VLDLR: variants seen among roughly 807,000 people sequenced by gnomAD.
VLDLR encodes very low-density lipoprotein receptor.
Under a neutral mutation model 112.7 loss-of-function variants are expected in VLDLR, and 81 were observed. That is an observed-to-expected ratio of 0.72 (90% confidence interval 0.60 to 0.86). The LOEUF is 0.86. Ranked by LOEUF, VLDLR falls within the 40% of genes least tolerant of loss-of-function variation. The pLI is 0.00. For missense variants in VLDLR, 1,237 were observed against 1,099.4 expected, an observed-to-expected ratio of 1.13 and a Z score of -1.77; for synonymous variants, 436 against 384.8, an observed-to-expected ratio of 1.13 and a Z score of -1.56.
chr9:2,624,503 G>A (rs558351897), intron 1 of VLDLR, among the ~76,000 whole-genome samples: 5 of 152,308 alleles, frequency 3.3e-5, no homozygotes, highest in African/African-American at 9.6e-5. Context: ...ATTCCTGGGG[G>A]TTCTGGGACA....
chr9:2,631,109 A>G (rs376013688), intron 1 of VLDLR, among the ~76,000 whole-genome samples: 13 of 152,350 alleles, frequency 8.5e-5, no homozygotes, highest in African/African-American at 2.6e-4. Flanking sequence ...CAAAACCAAA[A>G]TGACATATAA....
intron 2 of VLDLR, among the ~76,000 whole-genome samples, chr9:2,637,703 C>T (rs907147745): frequency 3.3e-5 from 5 of 152,128 alleles, no homozygotes; most frequent in South Asian, 4.1e-4. Context: ...GCACTTTGGG[C>T]GGCCTAGGCA....
Position 2,654,559 on chromosome 9 carries a change from T to C in VLDLR, c.*691T>C, listed in dbSNP as rs993016445. ...GTGTTCTAACTAAATGTGTGAGCTG[T>C]AGTTCTTGATGTTGTATAACTAAGC... On this transcript the variant is annotated 3_prime_UTR_variant, in exon 19 of 19. Transcript: ENST00000382100. 1 of 153,444 alleles carries C rather than the reference T, an allele frequency of 6.5e-6. No homozygotes were observed. The highest frequency in any genetic ancestry group is 1.5e-5 in the Non-Finnish European group (1 of 68,790). The allele number at this position is 153,444 out of a possible 1,614,324, so 9.5% of individuals were successfully genotyped here.
rs1471318902 is a variant in VLDLR, at chr9:2,643,493, A to G, written c.782A>G (p.Asp261Gly). ...CIHKKWRCDG[D>G]PDCKDGSDEV... ...CATAAGAAGTGGCGATGTGATGGGG[A>G]CCCTGACTGCAAGGATGGCAGTGAT... is the stretch of plus-strand genomic sequence containing the variant. Residue 261 changes from aspartate to glycine, a missense_variant, in exon 5 of 19, where the codon GAC becomes GGC. Physicochemically the swap from Asp to Gly is moderately conservative, Grantham distance 94. Transcript: ENST00000382100. 4 of 1,614,164 alleles carry G rather than the reference A, an allele frequency of 2.5e-6. No homozygotes were observed. The highest frequency in any genetic ancestry group is 3.4e-6 in the Non-Finnish European group (4 of 1,180,018).
intron 1 of VLDLR, among the ~76,000 whole-genome samples, chr9:2,629,170 T>C (rs1817229621): frequency 6.6e-6 from 1 of 152,258 alleles, no homozygotes; most frequent in Non-Finnish European, 1.5e-5. Context: ...TTCTGTGTTT[T>C]AACAAGCCTT....
intron 17 of VLDLR, 142 bp downstream of exon 17, chr9:2,652,096 C>T (rs1216997116): frequency 4.0e-6 from 3 of 747,638 alleles, no homozygotes; most frequent in East Asian, 2.7e-5. Flanking sequence ...CTTTCTCCCC[C>T]ACATAATACA....
chr9:2,641,576 A>G, intron 4 of VLDLR, 77 bp downstream of exon 4: 1 of 1,604,774 alleles, frequency 6.2e-7, no homozygotes. Flanking sequence ...AAACTAATCT[A>G]AGCCTGAAGA....
At position 2,643,674 on chromosome 9, in the gene VLDLR, C is replaced by G; in HGVS notation, c.867C>G (p.Ser289Arg). The G allele has an allele frequency of 6.2e-7, 1 of 1,614,204 alleles. No individual in the cohort carries two copies. Reference protein sequence around the residue: ...RPDQFECEDGSCIHGSRQCNG... With the variant: ...RPDQFECEDGRCIHGSRQCNG... ...ACCAATTTGAATGTGAGGATGGCAG[C>G]TGCATCCATGGCAGCAGGCAGTGTA... The change falls in exon 6 of 19, where the codon AGC (serine) becomes AGG (arginine). Residue 289 changes from serine (S) to arginine (R), a missense_variant. Physicochemically the swap from Ser to Arg is moderately radical, Grantham distance 110. Transcript: ENST00000382100.
chr9:2,643,843 A>G lies in VLDLR; in HGVS notation c.950A>G (p.Gln317Arg), dbSNP rs774182933. ...TCTTTGTTTCTCTTTGTAGTCAATC[A>G]GTGCTTGGGCCCTGGAAAATTCAAG... ...SDEVNCKNVN[Q>R]CLGPGKFKCR... Residue 317 changes from glutamine to arginine, a missense_variant, in exon 7 of 19, where the codon CAG becomes CGG. By Grantham distance (43) the Gln-to-Arg change is conservative. Transcript: ENST00000382100. 6.2e-7 allele frequency: 1 copy of G among 1,614,228 alleles called. No individual in the cohort carries two copies. Among genetic ancestry groups the G allele is most frequent in the South Asian group, 1.1e-5 (1 of 91,084 alleles).
rs146471178 is a variant in VLDLR at position 2,657,301 on chromosome 9, A to G, written c.*3433A>G. 1.2e-3 allele frequency: 176 copies of G among 152,322 alleles called. 1 individual carries two copies. Among genetic ancestry groups the G allele is most frequent in the African/African-American group, 4.1e-3 (172 of 41,574 alleles). 9.4% of individuals were successfully genotyped at this position (152,322 alleles called of 1,614,324 possible). A position where few individuals can be genotyped will look rare whatever the true frequency, so the allele number is the denominator to read the frequency against. ...ATGAAAGCTATACTGTTTGCTTTCA[A>G]TGGTGGCAAAAACTTGCAAAAAGCA... On this transcript the variant is annotated 3_prime_UTR_variant, in exon 19 of 19. Transcript: ENST00000382100.
chr9:2,632,502 T>C (rs1192668517), intron 1 of VLDLR, among the ~76,000 whole-genome samples: 2 of 151,952 alleles, frequency 1.3e-5, no homozygotes, highest in African/African-American at 4.8e-5. Flanking sequence ...TTGTTCCCTT[T>C]ATGAAAGTAT....
At position 2,651,324 on chromosome 9, in the gene VLDLR, T is replaced by TA; in HGVS notation, c.2252-87dup. 3 of 1,143,674 alleles carry TA rather than the reference T, an allele frequency of 2.6e-6. No homozygotes were observed. In the South Asian group the frequency reaches 3.9e-5, roughly 15 times the overall value. 70.8% of individuals were successfully genotyped at this position (1,143,674 alleles called of 1,614,324 possible). On this transcript the variant is annotated intron_variant, in intron 15 of 18. Coordinates refer to ENST00000382100, the MANE Select transcript of VLDLR (RefSeq NM_003383.5). ...GTGGTTTGTCTATTTTACCTGGTTTTAAAATAACCTTTTACATGGCTTGTC... is the reference window on the plus strand; with the variant it reads ...GTGGTTTGTCTATTTTACCTGGTTTTAAAAATAACCTTTTACATGGCTTGTC...
intron 2 of VLDLR, among the ~76,000 whole-genome samples, chr9:2,635,945 A>T (rs1452432770): frequency 1.5e-5 from 2 of 132,590 alleles, no homozygotes; most frequent in Non-Finnish European, 3.2e-5. Context: ...CAAGCCATGG[A>T]CATGAGAAAA....
chr9:2,634,380 A>C (rs1215562392), intron 1 of VLDLR, among the ~76,000 whole-genome samples: 1 of 152,218 alleles, frequency 6.6e-6, no homozygotes, highest in Non-Finnish European at 1.5e-5. Flanking sequence ...ACCCTCCCTA[A>C]GTAATCTGCG....
At chr9:2,650,647 A>G in intron 15 of VLDLR, 131 bp downstream of exon 15, 1 of 1,290,502 alleles carries the variant, frequency 7.7e-7, no homozygotes, top group Admixed American at 2.0e-5. Flanking sequence ...CTGCTATTGT[A>G]TGCCGGGTTA....
chr9:2,623,000 G>A (rs566498867), intron 1 of VLDLR, among the ~76,000 whole-genome samples: 1 of 152,368 alleles, frequency 6.6e-6, no homozygotes, highest in East Asian at 1.9e-4. Flanking sequence ...CTCCCGTGTA[G>A]CTGAACGCGG....
At chr9:2,633,208 C>G (rs900458648) in intron 1 of VLDLR, among the ~76,000 whole-genome samples, 9 of 152,056 alleles carry the variant, frequency 5.9e-5, no homozygotes, top group African/African-American at 2.2e-4. Flanking sequence ...CGGATATTTT[C>G]TTAGTAGAAA....
chr9:2,624,243 T>A (rs946540080), intron 1 of VLDLR, among the ~76,000 whole-genome samples: 1 of 152,200 alleles, frequency 6.6e-6, no homozygotes, highest in African/African-American at 2.4e-5. Flanking sequence ...AGGAAGCAGA[T>A]TCTTCCAGAA....
Position 2,658,647 on chromosome 9 carries a change from T to G in VLDLR, c.*4779T>G, listed in dbSNP as rs947403400. 1 of 152,152 alleles carries G rather than the reference T, an allele frequency of 6.6e-6. No individual in the cohort carries two copies. Among genetic ancestry groups the G allele is most frequent in the Non-Finnish European group, 1.5e-5 (1 of 68,028 alleles). The allele number at this position is 152,152 out of a possible 1,614,324, so 9.4% of individuals were successfully genotyped here. ...TAAAGTAGAGACGATGGGGACTGTCTCACTGTGACAAGGTAAGATTTAAGT... is the reference window on the plus strand; with the variant it reads ...TAAAGTAGAGACGATGGGGACTGTCGCACTGTGACAAGGTAAGATTTAAGT... On this transcript the variant is annotated 3_prime_UTR_variant, in exon 19 of 19. Transcript: ENST00000382100.
Sources: gnomAD v4.1 joint callset for allele counts (sites outside exome capture counted in the v4.1 genomes callset) on GRCh38, gnomAD v4.1.1 for gene constraint, MANE v1.5 for transcripts, NCBI Gene and HGNC (gene_info 2026-07-23, HGNC 2026-07-21) for gene names.